Variants in RBM23 observed in about 807,000 individuals in gnomAD.
The protein encoded by RBM23 is probable RNA-binding protein 23.
Under a neutral mutation model 56.2 loss-of-function variants are expected in RBM23, and 53 were observed. That is an observed-to-expected ratio of 0.94 (90% CI 0.76 to 1.19). The LOEUF is 1.19. Among genes scored for constraint, RBM23 ranks in the 50% most tolerant of loss-of-function variants. The probability of loss-of-function intolerance (pLI) is 0.00; values close to 1 mark genes in which losing one functional copy is unlikely to be tolerated. For synonymous variants in RBM23, 197 were observed against 198.5 expected (o/e 0.99, Z 0.06); for missense variants, 642 against 590.3 (o/e 1.09, Z -0.91).
intron 1 of RBM23, among the ~76,000 whole-genome samples, chr14:22,912,771 C>T (rs9989230): frequency 0.56 from 85,203 of 150,916 alleles, 24,842 homozygotes; most frequent in East Asian, 0.79. Flanking sequence ...GGGCAGATCA[C>T]GAGGTCAACG....
chr14:22,908,549 T>C (rs1035624165), intron 3 of RBM23, 169 bp from the exon 4 acceptor site: 4 of 608,902 alleles, frequency 6.6e-6, no homozygotes, highest in Non-Finnish European at 8.1e-6. Context: ...TGTACCATCA[T>C]GCCCAGCTAA....
At chr14:22,910,499 G>C (rs952800822) in intron 2 of RBM23, among the ~76,000 whole-genome samples, 27 of 150,890 alleles carry the variant, frequency 1.8e-4, no homozygotes, top group Admixed American at 6.6e-4. Context: ...AAAGCGGTGG[G>C]GGGGAAAGGA....
At chr14:22,904,027 G>A (rs2041081504) in intron 10 of RBM23, 1 of 1,455,250 alleles carries the variant, frequency 6.9e-7, no homozygotes, top group South Asian at 1.3e-5. Flanking sequence ...CAGGGAAGCT[G>A]GGTGAACTCC....
chr14:22,918,569 G>A (rs2043995504), intron 1 of RBM23, among the ~76,000 whole-genome samples: 2 of 152,086 alleles, frequency 1.3e-5, no homozygotes, highest in Admixed American at 6.6e-5. Context: ...ATGAATCTTC[G>A]ACAGACTAGA....
Position 22,893,216 on chromosome 14 carries a change from CAT to C in RBM23, c.*8512_*8513del, listed in dbSNP as rs2040193802. On this transcript the variant is annotated 3_prime_UTR_variant, in exon 14 of 14. Coordinates refer to ENST00000359890, the MANE Select transcript of RBM23 (RefSeq NM_001077351.2). ...CACTCCCAGGAAGTTCACACACACACATCTTTTTATTAATCTAATATAGTTTC... is the reference window on the plus strand; with the variant it reads ...CACTCCCAGGAAGTTCACACACACACCTTTTTATTAATCTAATATAGTTTC... The C allele has an allele frequency of 1.3e-5, 2 of 152,244 alleles. No homozygotes were observed. The highest frequency in any genetic ancestry group is 6.5e-5 in the Admixed American group (1 of 15,278). 9.4% of individuals were successfully genotyped at this position (152,244 alleles called of 1,614,324 possible).
At chr14:22,903,458 T>C in intron 10 of RBM23, 2 of 985,502 alleles carry the variant, frequency 2.0e-6, no homozygotes, top group Non-Finnish European at 2.4e-6. Flanking sequence ...CTTGTTTAGC[T>C]AGCTAGCAGC....
At chr14:22,906,038 C>T in intron 5 of RBM23, 157 bp downstream of exon 5, 1 of 865,510 alleles carries the variant, frequency 1.2e-6, no homozygotes, top group South Asian at 1.7e-5. Flanking sequence ...GCATGAGCCA[C>T]CACACCAGTA....
chr14:22,916,670 AAAG>A (rs2043564740), intron 1 of RBM23, among the ~76,000 whole-genome samples: 2 of 152,170 alleles, frequency 1.3e-5, no homozygotes, highest in South Asian at 4.1e-4. Context: ...AGGAAAAAAA[AAAG>A]GACACAGTAT....
At chr14:22,907,163 G>A (rs1211842879) in intron 4 of RBM23, among the ~76,000 whole-genome samples, 1 of 151,194 alleles carries the variant, frequency 6.6e-6, no homozygotes, top group Non-Finnish European at 1.5e-5. Context: ...AACAGAGTGA[G>A]ACTCTGTCTC....
intron 10 of RBM23, chr14:22,903,895 T>C: frequency 8.4e-7 from 1 of 1,186,906 alleles, no homozygotes; most frequent in Non-Finnish European, 1.1e-6. Flanking sequence ...TTCCCATCCC[T>C]GTTATGAGAA....
Position 22,918,614 on chromosome 14 carries a change from T to G in RBM23, c.-11+385A>C, listed in dbSNP as rs538702116. Among the ~76,000 whole-genome samples the G allele has an allele frequency of 2.0e-3, 308 of 152,240 alleles. 1 individual carries two copies. Among genetic ancestry groups the G allele is most frequent in the Non-Finnish European group, 3.7e-3 (254 of 68,006 alleles). ...AGAAAGCTCAATTCCCTTCTCTCTC[T>G]CTGAATGGTGGTGCGAGTGGCTGAA... is the stretch of plus-strand genomic sequence containing the variant. On this transcript the variant is annotated intron_variant, in intron 1 of 13. Transcript: ENST00000359890.
intron 2 of RBM23, among the ~76,000 whole-genome samples, chr14:22,909,968 C>T (rs953777629): frequency 1.3e-5 from 2 of 151,608 alleles, no homozygotes; most frequent in Non-Finnish European, 2.9e-5. Flanking sequence ...GCCTCGCCGA[C>T]ATGTCGAAAC....
rs935734857 is a variant in RBM23 at position 22,895,572 on chromosome 14, T to G, written c.*6158A>C. 1 of 152,256 alleles carries G rather than the reference T, an allele frequency of 6.6e-6. No individual in the cohort carries two copies. Among genetic ancestry groups the G allele is most frequent in the Non-Finnish European group, 1.5e-5 (1 of 68,240 alleles). 9.4% of individuals were successfully genotyped at this position (152,256 alleles called of 1,614,324 possible). On this transcript the variant is annotated 3_prime_UTR_variant, in exon 14 of 14. Transcript: ENST00000359890. Reference sequence around the variant, plus strand: ...GGGAGGCTAAGGAGGGAGGATCACTTAAGCCCAGGAGTTCAAGACCACCTG... The same window carrying G: ...GGGAGGCTAAGGAGGGAGGATCACTGAAGCCCAGGAGTTCAAGACCACCTG...
chr14:22,915,446 G>A (rs1039605043), intron 1 of RBM23, among the ~76,000 whole-genome samples: 1 of 150,678 alleles, frequency 6.6e-6, no homozygotes, highest in Non-Finnish European at 1.5e-5. Flanking sequence ...TGATCCGACC[G>A]CCTCGCCCTC....
In RBM23 at chr14:22,905,643, T is replaced by C. The variant is rs746371920; in HGVS notation, c.418A>G (p.Ser140Gly). Reference sequence around the variant, plus strand: ...TTCTCTCTGAAATGAGGACTCTTACTGTGTCCATACCTATAACTAAAGAAT... The same window carrying C: ...TTCTCTCTGAAATGAGGACTCTTACCGTGTCCATACCTATAACTAAAGAAT... The part of the protein sequence containing the change: ...PLATGYRYGH[S>G]KSPHFREKSP... Residue 140 changes from serine to glycine, a missense_variant, in exon 6 of 14, where the codon AGT becomes GGT. Ser to Gly is a moderately conservative substitution (Grantham distance 56, BLOSUM62 0). Coordinates refer to ENST00000359890, the MANE Select transcript of RBM23 (RefSeq NM_001077351.2). 2.5e-5 allele frequency: 40 copies of C among 1,608,270 alleles called. No individual in the cohort carries two copies. Among genetic ancestry groups the C allele is most frequent in the Non-Finnish European group, 3.1e-5 (37 of 1,174,668 alleles).
Position 22,904,332 on chromosome 14 carries a change from G to T in RBM23, c.865-6C>A, listed in dbSNP as rs1425797647. ...ATCAGGACAATATTATCAATCTGTAGAAGAGTGAGAAATTATCAGTAAACT... is the reference window on the plus strand; with the variant it reads ...ATCAGGACAATATTATCAATCTGTATAAGAGTGAGAAATTATCAGTAAACT... On this transcript the variant is annotated splice_polypyrimidine_tract_variant and splice_region_variant and intron_variant, in intron 9 of 13. Coordinates refer to ENST00000359890, the MANE Select transcript of RBM23 (RefSeq NM_001077351.2). 6.2e-7 allele frequency: 1 copy of T among 1,600,956 alleles called. No individual in the cohort carries two copies. The highest frequency in any genetic ancestry group is 1.3e-5 in the African/African-American group (1 of 74,474).
intron 1 of RBM23, among the ~76,000 whole-genome samples, chr14:22,918,778 T>C (rs2044046395): frequency 6.6e-6 from 1 of 152,200 alleles, no homozygotes; most frequent in Non-Finnish European, 1.5e-5. Flanking sequence ...CGGTGCAAGA[T>C]ACAGCCACGA....
chr14:22,897,262 G>A lies in RBM23; in HGVS notation c.*4468C>T, dbSNP rs893123224. On this transcript the variant is annotated 3_prime_UTR_variant, in exon 14 of 14. Coordinates refer to ENST00000359890, the MANE Select transcript of RBM23 (RefSeq NM_001077351.2). ...GGCCTCATCAGGCTGTAACCATCAA[G>A]TAATGGAGTTTTCAATAAAATAATT... 1.3e-5 allele frequency: 2 copies of A among 152,166 alleles called. No individual in the cohort carries two copies. The highest frequency in any genetic ancestry group is 4.8e-5 in the African/African-American group (2 of 41,426). 9.4% of individuals were successfully genotyped at this position (152,166 alleles called of 1,614,324 possible).
At position 22,900,816 on chromosome 14, in the gene RBM23, C is replaced by A. The variant is rs1164208745; in HGVS notation, c.*914G>T. On this transcript the variant is annotated 3_prime_UTR_variant, in exon 14 of 14. Coordinates refer to ENST00000359890, the MANE Select transcript of RBM23 (RefSeq NM_001077351.2). The stretch of plus-strand genomic sequence containing the variant: ...ATATATGTATATATATTTATGTACA[C>A]AGACACAAGGGTATAAAATCCAGTG... 2 of 151,804 alleles carry A rather than the reference C, an allele frequency of 1.3e-5. No individual in the cohort carries two copies. The highest frequency in any genetic ancestry group is 2.9e-5 in the Non-Finnish European group (2 of 68,012). The allele number at this position is 151,804 out of a possible 1,614,324, so 9.4% of individuals were successfully genotyped here.
Sources: gnomAD v4.1 joint callset for allele counts (sites outside exome capture counted in the v4.1 genomes callset) on GRCh38, gnomAD v4.1.1 for gene constraint, MANE v1.5 for transcripts, NCBI Gene and HGNC (gene_info 2026-07-23, HGNC 2026-07-21) for gene names.